The following CACNB4 variants were observed in gnomAD, a reference collection of about 807,000 sequenced individuals.
CACNB4 encodes voltage-dependent L-type calcium channel subunit beta-4.
In CACNB4, 32 loss-of-function variants were observed where a neutral mutation model predicts 71.2. That is an observed-to-expected ratio of 0.45 (90% CI 0.34 to 0.60). CACNB4 has a LOEUF of 0.60. Ranked by LOEUF, CACNB4 falls within the 20% of genes least tolerant of loss-of-function variation. The pLI is 0.01. For synonymous variants in CACNB4, 231 were observed against 236.9 expected (o/e 0.97, Z 0.23); for missense variants, 464 against 647.9 (o/e 0.72, Z 3.08).
At chr2:152,077,119 C>T (rs1560183610) in intron 2 of CACNB4, among the ~76,000 whole-genome samples, 1 of 152,140 alleles carries the variant, frequency 6.6e-6, no homozygotes, top group African/African-American at 2.4e-5. Flanking sequence ...CTAATCTTGG[C>T]TTATTAAAAG....
chr2:151,908,170 T>G (rs1412393665), intron 2 of CACNB4, among the ~76,000 whole-genome samples: 1 of 152,184 alleles, frequency 6.6e-6, no homozygotes, highest in African/African-American at 2.4e-5. Flanking sequence ...GGAGTCTGAT[T>G]GCAGCCAAAG....
intron 2 of CACNB4, among the ~76,000 whole-genome samples, chr2:151,909,398 T>C (rs574515160): frequency 6.8e-6 from 1 of 147,408 alleles, no homozygotes; most frequent in East Asian, 2.0e-4. Context: ...ATCATGCCAC[T>C]GCACTCCAGC....
intron 12 of CACNB4, chr2:151,850,918 C>T (rs2099838920): frequency 6.6e-6 from 1 of 152,112 alleles, no homozygotes; most frequent in African/African-American, 2.4e-5. Flanking sequence ...TTAAGGTCCC[C>T]TTTTGCTTCA....
intron 2 of CACNB4, among the ~76,000 whole-genome samples, chr2:152,026,555 T>C (rs951048898): frequency 1.3e-5 from 2 of 152,122 alleles, no homozygotes; most frequent in Non-Finnish European, 2.9e-5. Flanking sequence ...CAGCTAATTT[T>C]TGTACTTTTA....
intron 2 of CACNB4, among the ~76,000 whole-genome samples, chr2:151,909,764 C>G (rs574754398): frequency 1.1e-4 from 16 of 152,228 alleles, no homozygotes; most frequent in African/African-American, 3.6e-4. Context: ...GCATAGTATC[C>G]CATGGTGGAT....
intron 3 of CACNB4, among the ~76,000 whole-genome samples, chr2:151,881,863 A>G (rs1257317589): frequency 6.6e-6 from 1 of 150,474 alleles, no homozygotes; most frequent in Non-Finnish European, 1.5e-5. Flanking sequence ...ATTTGACTGC[A>G]TCATTCTCCT....
At chr2:151,847,393 A>C (rs2099837875) in intron 12 of CACNB4, among the ~76,000 whole-genome samples, 1 of 152,038 alleles carries the variant, frequency 6.6e-6, no homozygotes, top group African/African-American at 2.4e-5. Context: ...AACCATGCAC[A>C]AAAAAAGACT....
chr2:152,044,493 C>G (rs1685041574), intron 2 of CACNB4, among the ~76,000 whole-genome samples: 2 of 152,218 alleles, frequency 1.3e-5, no homozygotes, highest in Admixed American at 1.3e-4. Context: ...GCTGGGATTA[C>G]AGGCGTGAGC....
At chr2:151,994,550 C>T (rs544832338) in intron 2 of CACNB4, among the ~76,000 whole-genome samples, 5 of 151,980 alleles carry the variant, frequency 3.3e-5, no homozygotes, top group Admixed American at 2.0e-4. Context: ...CTCACTCTGT[C>T]GCCCAGGCTG....
At chr2:151,888,710 G>A (rs1269001983) in intron 2 of CACNB4, among the ~76,000 whole-genome samples, 1 of 152,206 alleles carries the variant, frequency 6.6e-6, no homozygotes, top group Admixed American at 6.5e-5. Context: ...GCATCAGTCA[G>A]ATACTGGAGT....
At chr2:151,891,099 C>G (rs917048515) in intron 2 of CACNB4, among the ~76,000 whole-genome samples, 2 of 152,120 alleles carry the variant, frequency 1.3e-5, no homozygotes, top group African/African-American at 4.8e-5. Flanking sequence ...TCTATTACAA[C>G]TATTTTACAT....
chr2:151,856,022 A>G (rs913662218), intron 10 of CACNB4, among the ~76,000 whole-genome samples: 5 of 151,980 alleles, frequency 3.3e-5, no homozygotes, highest in African/African-American at 1.2e-4. Context: ...AAGGCCAATT[A>G]TATTAAAACG....
intron 2 of CACNB4, among the ~76,000 whole-genome samples, chr2:151,926,626 CTAA>C (rs905530326): frequency 3.9e-5 from 6 of 152,162 alleles, no homozygotes; most frequent in Non-Finnish European, 8.8e-5. Context: ...TTTTCTTCAA[CTAA>C]TAATATAATA....
intron 2 of CACNB4, among the ~76,000 whole-genome samples, chr2:152,029,582 G>A (rs1413466604): frequency 5.9e-5 from 9 of 151,836 alleles, no homozygotes; most frequent in African/African-American, 2.2e-4. Flanking sequence ...AGACACAGCA[G>A]GAAGACAACC....
In CACNB4 at chr2:151,835,260, G is replaced by A. The variant is rs2099834655; in HGVS notation, c.*3859C>T. ...AATTAACCTTGCCTCATGATAAACT[G>A]TGAACCAATTCAAAGAAAACTTCAC... On this transcript the variant is annotated 3_prime_UTR_variant, in exon 14 of 14. Transcript: ENST00000539935. 1 of 151,912 alleles carries A rather than the reference G, an allele frequency of 6.6e-6. No individual in the cohort carries two copies. The highest frequency in any genetic ancestry group is 2.4e-5 in the African/African-American group (1 of 41,440). The allele number at this position is 151,912 out of a possible 1,614,324, so 9.4% of individuals were successfully genotyped here. A position where few individuals can be genotyped will look rare whatever the true frequency, so the allele number is the denominator to read the frequency against.
At chr2:152,044,508 G>A (rs541017078) in intron 2 of CACNB4, among the ~76,000 whole-genome samples, 81 of 152,262 alleles carry the variant, frequency 5.3e-4, no homozygotes, top group African/African-American at 1.8e-3. Flanking sequence ...GTGAGCCACC[G>A]CACCCGGCCT....
intron 10 of CACNB4, chr2:151,858,453 A>C (rs1163060247): frequency 6.6e-6 from 1 of 152,230 alleles, no homozygotes; most frequent in East Asian, 1.9e-4. Context: ...GTTATATTGA[A>C]TACTATAATA....
In CACNB4 at chr2:151,983,295, A is replaced by G. The variant is rs923010896; in HGVS notation, c.148-99925T>C. Among the ~76,000 whole-genome samples, 24 of 152,240 alleles carry G rather than the reference A, an allele frequency of 1.6e-4. 1 individual carries two copies. Among genetic ancestry groups the G allele is most frequent in the South Asian group, 4.1e-4 (2 of 4,834 alleles). ...TATCCGCCACCTTTTAGCCAAGTCC[A>G]TAAGTAATTCCTCATGAAGATTTGG... On this transcript the variant is annotated intron_variant, in intron 2 of 13. Coordinates refer to ENST00000539935, the MANE Select transcript of CACNB4 (RefSeq NM_000726.5).
chr2:152,088,269 A>G (rs564240744), intron 2 of CACNB4, among the ~76,000 whole-genome samples: 1 of 152,194 alleles, frequency 6.6e-6, no homozygotes, highest in Non-Finnish European at 1.5e-5. Context: ...AACAACAATC[A>G]GCATTAAATT....
Sources: allele counts gnomAD v4.1 joint callset (sites outside exome capture counted in the v4.1 genomes callset), GRCh38; gene constraint gnomAD v4.1.1; transcripts MANE v1.5; gene names NCBI Gene and HGNC (gene_info 2026-07-23, HGNC 2026-07-21).